UTRN: variants seen among roughly 807,000 people sequenced by gnomAD.
UTRN encodes the protein dystrophin-related protein 1.
Under a neutral mutation model 463.9 loss-of-function variants are expected in UTRN, and 283 were observed. The ratio of observed to expected loss-of-function variants is 0.61; its 90% CI spans 0.55 to 0.67. The LOEUF is 0.67. UTRN is among the 30% of genes least tolerant of loss of function. The probability of loss-of-function intolerance (pLI) is 0.00; values close to 1 mark genes in which losing one functional copy is unlikely to be tolerated. For synonymous variants in UTRN, 1,442 were observed against 1,431.5 expected (o/e 1.01, Z -0.17); for missense variants, 3,922 against 4,084.3 (o/e 0.96, Z 1.08).
chr6:144,570,046 A>G (rs992625112), intron 50 of UTRN, among the ~76,000 whole-genome samples: 4 of 152,186 alleles, frequency 2.6e-5, no homozygotes, highest in African/African-American at 9.7e-5. Context: ...GTAAGATAAT[A>G]AACTTGTGTT....
chr6:144,426,271 GGT>G lies in UTRN; in HGVS notation c.406-15_406-14del. On this transcript the variant is annotated splice_polypyrimidine_tract_variant and intron_variant, in intron 6 of 74. Coordinates refer to ENST00000367545, the MANE Select transcript of UTRN (RefSeq NM_007124.3). ...TGAAGTATTAGTTATGGACAGGCCT[GGT>G]TTCTCTTACATAGGTGAAAGATGTC... 1 of 1,607,838 alleles carries G rather than the reference GGT, an allele frequency of 6.2e-7. No homozygotes were observed. The highest frequency in any genetic ancestry group is 8.5e-7 in the Non-Finnish European group (1 of 1,176,762).
chr6:144,622,794 G>A (rs1585622374), intron 51 of UTRN, among the ~76,000 whole-genome samples: 2 of 152,132 alleles, frequency 1.3e-5, no homozygotes, highest in East Asian at 3.9e-4. Context: ...AAACAGGAAA[G>A]GATTGTAGGA....
intron 73 of UTRN, among the ~76,000 whole-genome samples, chr6:144,846,199 T>A (rs1781999021): frequency 6.6e-6 from 1 of 152,214 alleles, no homozygotes; most frequent in South Asian, 2.1e-4. Flanking sequence ...AATTGAGCTA[T>A]CTGTGTGGAA....
intron 64 of UTRN, 83 bp from the exon 65 acceptor site, chr6:144,802,953 T>A: frequency 1.0e-6 from 1 of 964,180 alleles, no homozygotes; most frequent in Non-Finnish European, 1.4e-6. Flanking sequence ...TTTTTGGTAA[T>A]TCGGATGAAT....
In UTRN at chr6:144,421,875, C is replaced by A; in HGVS notation, c.142-3C>A. 1.2e-6 allele frequency: 2 copies of A among 1,608,016 alleles called. No individual in the cohort carries two copies. On this transcript the variant is annotated splice_region_variant and splice_polypyrimidine_tract_variant and intron_variant, in intron 3 of 74. Transcript: ENST00000367545. Reference sequence around the variant, plus strand: ...ATATTTTATTTGTGTTTTTCTTTTACAGAGTGGGAAACCACCCATCAATGA... The same window carrying A: ...ATATTTTATTTGTGTTTTTCTTTTAAAGAGTGGGAAACCACCCATCAATGA...
At chr6:144,538,343 C>T (rs1797710154) in intron 44 of UTRN, among the ~76,000 whole-genome samples, 1 of 152,034 alleles carries the variant, frequency 6.6e-6, no homozygotes, top group Admixed American at 6.6e-5. Context: ...TTGCAGAACA[C>T]TCAGCATAAT....
At position 144,583,606 on chromosome 6, in the gene UTRN, T is replaced by C. The variant is rs755593289; in HGVS notation, c.7479+6318T>C. Reference sequence around the variant, plus strand: ...GGTATCAGAAGCTCTGTAAGGTAACTGAGTGATTGAAAATAAGGATCTCGG... The same window carrying C: ...GGTATCAGAAGCTCTGTAAGGTAACCGAGTGATTGAAAATAAGGATCTCGG... On this transcript the variant is annotated intron_variant, in intron 51 of 74. Transcript: ENST00000367545. 1.2e-5 allele frequency: 8 copies of C among 687,538 alleles called. No homozygotes were observed. The South Asian group carries it at 1.3e-4, about 11-fold the overall frequency. 42.6% of individuals were successfully genotyped at this position (687,538 alleles called of 1,614,324 possible). A position where few individuals can be genotyped will look rare whatever the true frequency, so the allele number is the denominator to read the frequency against.
intron 52 of UTRN, among the ~76,000 whole-genome samples, chr6:144,689,903 C>A (rs1006087105): frequency 1.3e-5 from 2 of 151,734 alleles, no homozygotes; most frequent in African/African-American, 4.8e-5. Flanking sequence ...ATTCTCCTTG[C>A]AGATGCTATC....
intron 25 of UTRN, among the ~76,000 whole-genome samples, chr6:144,476,055 G>A (rs1191918271): frequency 4.0e-5 from 6 of 150,996 alleles, no homozygotes; most frequent in Admixed American, 2.0e-4. Flanking sequence ...CAGCCTGGGC[G>A]AAAGAGCCAG....
intron 50 of UTRN, among the ~76,000 whole-genome samples, chr6:144,562,738 T>C (rs1800052120): frequency 6.6e-6 from 1 of 152,208 alleles, no homozygotes; most frequent in South Asian, 2.1e-4. Flanking sequence ...GATTGGTGGG[T>C]AGAATGGTAG....
At chr6:144,500,450 A>G (rs562666806) in intron 34 of UTRN, among the ~76,000 whole-genome samples, 2 of 152,184 alleles carry the variant, frequency 1.3e-5, no homozygotes, top group South Asian at 4.2e-4. Flanking sequence ...CCACTTTTTA[A>G]TGGGGTTATT....
intron 39 of UTRN, among the ~76,000 whole-genome samples, chr6:144,518,833 A>G (rs1046022200): frequency 2.6e-5 from 4 of 152,316 alleles, no homozygotes; most frequent in East Asian, 1.9e-4. Context: ...TAGGCGAACT[A>G]TGTTACAAAC....
intron 52 of UTRN, among the ~76,000 whole-genome samples, chr6:144,698,793 A>G (rs2128696757): frequency 6.6e-6 from 1 of 152,370 alleles, no homozygotes; most frequent in Non-Finnish European, 1.5e-5. Context: ...TGGAACCTTA[A>G]CCATATCAAA....
intron 52 of UTRN, among the ~76,000 whole-genome samples, chr6:144,689,282 G>A (rs1783077184): frequency 6.6e-6 from 1 of 152,142 alleles, no homozygotes; most frequent in African/African-American, 2.4e-5. Context: ...TGCAATGGTG[G>A]GTGAAGGAGA....
In UTRN at chr6:144,516,843, T is replaced by C. The variant is rs1463788942; in HGVS notation, c.5436T>C (p.Val1812=). 2.0e-6 allele frequency: 3 copies of C among 1,511,586 alleles called. No individual in the cohort carries two copies. The highest frequency in any genetic ancestry group is 3.7e-4 in the Middle Eastern group (2 of 5,422). The allele number at this position is 1,511,586 out of a possible 1,614,324, so 93.6% of individuals were successfully genotyped here. Residue 1812 remains valine, a synonymous_variant, in exon 39 of 75, where the codon GTT becomes GTC. Coordinates refer to ENST00000367545, the MANE Select transcript of UTRN (RefSeq NM_007124.3). ...AGGAGAGTGCCCAGATTGAGGAAGT[T>C]CTACAAAGAGGAGAAGAAATGTTAC... is the stretch of plus-strand genomic sequence containing the variant. The part of the protein sequence containing the change: ...MDEESAQIEE[V]LQRGEEMLHQ...
intron 65 of UTRN, among the ~76,000 whole-genome samples, chr6:144,814,018 G>C (rs916886692): frequency 3.3e-5 from 5 of 152,170 alleles, no homozygotes; most frequent in South Asian, 2.1e-4. Flanking sequence ...CTGTTCCTAC[G>C]TGCTGGTAGA....
chr6:144,835,582 T>C (rs1562966214), intron 69 of UTRN, among the ~76,000 whole-genome samples, 198 bp from the exon 70 acceptor site: 1 of 152,208 alleles, frequency 6.6e-6, no homozygotes, highest in Non-Finnish European at 1.5e-5. Flanking sequence ...AAGCCTGAAA[T>C]GTTGACTCAT....
At chr6:144,708,159 A>G (rs1785284406) in intron 53 of UTRN, 4 of 486,550 alleles carry the variant, frequency 8.2e-6, no homozygotes, top group Non-Finnish European at 1.6e-5. Context: ...TCATTTGATA[A>G]GACCAATGGA....
intron 6 of UTRN, among the ~76,000 whole-genome samples, chr6:144,425,437 C>T (rs1785212777): frequency 6.6e-6 from 1 of 152,134 alleles, no homozygotes; most frequent in East Asian, 1.9e-4. Context: ...TACTTTGAGA[C>T]TGTATAAATA....
Sources: allele counts gnomAD v4.1 joint callset (sites outside exome capture counted in the v4.1 genomes callset), GRCh38; gene constraint gnomAD v4.1.1; transcripts MANE v1.5; gene names NCBI Gene and HGNC (gene_info 2026-07-23, HGNC 2026-07-21).